The following TTN variants were observed in gnomAD, a reference collection of about 807,000 sequenced individuals.
TTN encodes titin.
TTN carries 1,525 observed loss-of-function variants against 3,223.0 expected under a neutral mutation model. The observed-to-expected ratio is 0.47, with a 90% confidence interval of 0.45 to 0.49. The LOEUF is 0.49. Ranked by LOEUF, TTN falls within the 20% of genes least tolerant of loss-of-function variation. The pLI is 0.00. For synonymous variants in TTN, 14,094 were observed against 15,161.0 expected (o/e 0.93, Z 5.17); for missense variants, 40,786 against 43,424.0 (o/e 0.94, Z 5.40).
At position 178,625,300 on chromosome 2, in the gene TTN, T is replaced by C. The variant is rs2058863893; in HGVS notation, c.44521A>G (p.Lys14841Glu). 3.1e-6 allele frequency: 5 copies of C among 1,608,196 alleles called. No homozygotes were observed. In the South Asian group the frequency reaches 3.3e-5, roughly 11 times the overall value. The change falls in exon 241 of 363, where the codon AAA becomes GAA. Residue 14841 changes from lysine to glutamate, a missense_variant. By Grantham distance (56) the Lys-to-Glu change is moderately conservative (BLOSUM62 1). Coordinates refer to ENST00000589042, the MANE Select transcript of TTN (RefSeq NM_001267550.2). The stretch of plus-strand genomic sequence containing the variant: ...TTCACAAAGAGGTTGGCGTGAGTTT[T>C]GAAATCTTTTGCTGTTAGTTGGACT... ...GEVQLTAKDF[K>E]THANLFVKEP...
rs775987050 is a variant in TTN, at chr2:178,594,458, CAG to C, written c.58034_58035del (p.Thr19345SerfsTer2). ...TNDNLLSRKY[T>X]VKGLKEGDTY... is the part of the protein sequence containing the mutation. ...GTATCACCTTCTTTTAAGCCTTTAA[CAG>C]TGTATTTTCTGCTAAGCAAGTTGTC... is the stretch of plus-strand genomic sequence containing the variant. On this transcript the variant is annotated frameshift_variant, in exon 296 of 363. Transcript: ENST00000589042. LOFTEE classifies it high-confidence loss of function. 6.2e-7 allele frequency: 1 copy of C among 1,613,348 alleles called. No homozygotes were observed. The highest frequency in any genetic ancestry group is 8.5e-7 in the Non-Finnish European group (1 of 1,179,554).
intron 238 of TTN, 138 bp from the exon 239 acceptor site, chr2:178,630,505 A>C: frequency 1.7e-6 from 2 of 1,192,096 alleles, no homozygotes; most frequent in African/African-American, 1.6e-5. Flanking sequence ...CTCTTTTTTT[A>C]GGAAGTAAAG....
chr2:178,687,479 T>C (rs1169417268), intron 127 of TTN, among the ~76,000 whole-genome samples: 1 of 152,018 alleles, frequency 6.6e-6, no homozygotes, highest in Non-Finnish European at 1.5e-5. Flanking sequence ...ACAATGGTTT[T>C]CTCCATATGT....
In TTN at chr2:178,713,970, G is replaced by C. The variant is rs1198151007; in HGVS notation, c.26688C>G (p.Asp8896Glu). The change falls in exon 92 of 363, where the codon GAC becomes GAG. Residue 8896 changes from aspartate (D) to glutamate (E), a missense_variant. Transcript: ENST00000589042. Reference sequence around the variant, plus strand: ...GCACCTCAAAACTGTATACCCCACTGTCACTCGGTGCTACATTGATGATCT... The same window carrying C: ...GCACCTCAAAACTGTATACCCCACTCTCACTCGGTGCTACATTGATGATCT... ...GLKIINVAPS[D>E]SGVYSFEVQN... The C allele has an allele frequency of 6.2e-7, 1 of 1,613,632 alleles. No individual in the cohort carries two copies.
At position 178,801,606 on chromosome 2, in the gene TTN, A is replaced by G. The variant is rs181384275; in HGVS notation, c.295+532T>C. Among the ~76,000 whole-genome samples, 4 of 152,282 alleles carry G rather than the reference A, an allele frequency of 2.6e-5. No individual in the cohort carries two copies. The East Asian group carries it at 7.7e-4, about 29-fold the overall frequency. On this transcript the variant is annotated intron_variant, in intron 3 of 362. Transcript: ENST00000589042. ...CTCACTAGGTAGTAAAGGATAGAGAAAAACAACAGAGGCCACTAAGATTGG... is the reference window on the plus strand; with the variant it reads ...CTCACTAGGTAGTAAAGGATAGAGAGAAACAACAGAGGCCACTAAGATTGG...
Position 178,618,801 on chromosome 2 carries a change from C to T in TTN, c.46749G>A (p.Lys15583=), listed in dbSNP as rs1460478978. The T allele has an allele frequency of 1.9e-5, 31 of 1,610,988 alleles. No individual in the cohort carries two copies. Among genetic ancestry groups the T allele is most frequent in the Non-Finnish European group, 2.5e-5 (30 of 1,178,678 alleles). ...CATATGGCACCACCATTGTCAGAGG[C>T]TTGCCAACATCAACCACAAGGTCTT... ...ADQDLVVDVG[K]PLTMVVPYDA... The change falls in exon 251 of 363, where the codon AAG becomes AAA. Residue 15583 remains lysine, a synonymous_variant. Transcript: ENST00000589042.
intron 106 of TTN, among the ~76,000 whole-genome samples, chr2:178,702,922 A>T (rs1049582822): frequency 1.3e-4 from 20 of 152,254 alleles, no homozygotes; most frequent in Non-Finnish European, 2.1e-4. Context: ...AAATATTTAT[A>T]TAAAGAACAT....
Position 178,774,417 on chromosome 2 carries a change from A to C in TTN, c.6847T>G (p.Ser2283Ala). 6.2e-7 allele frequency: 1 copy of C among 1,613,888 alleles called. No individual in the cohort carries two copies. The highest frequency in any genetic ancestry group is 8.5e-7 in the Non-Finnish European group (1 of 1,179,946). ...GATACAATGCACTCTAATTCTCCTGAATATGATTCTGGAACTTCTATGTCC... is the reference window on the plus strand; with the variant it reads ...GATACAATGCACTCTAATTCTCCTGCATATGATTCTGGAACTTCTATGTCC... Reference protein sequence around the residue: ...LQDIEVPESYSGELECIVSPE... With the variant: ...LQDIEVPESYAGELECIVSPE... Residue 2283 changes from serine to alanine, a missense_variant, in exon 30 of 363, where the codon TCA (serine) becomes GCA (alanine). Ser to Ala is a moderately conservative substitution (Grantham distance 99, BLOSUM62 1). Transcript: ENST00000589042.
At chr2:178,752,409 T>C (rs1047708204) in intron 47 of TTN, among the ~76,000 whole-genome samples, 3 of 152,090 alleles carry the variant, frequency 2.0e-5, no homozygotes, top group Non-Finnish European at 4.4e-5. Flanking sequence ...AAACGCCCTT[T>C]CTGATTCTTT....
At position 178,715,593 on chromosome 2, in the gene TTN, C is replaced by T; in HGVS notation, c.25821G>A (p.Leu8607=). The T allele has an allele frequency of 6.2e-7, 1 of 1,613,640 alleles. No homozygotes were observed. The highest frequency in any genetic ancestry group is 1.1e-5 in the South Asian group (1 of 91,062). The stretch of plus-strand genomic sequence containing the variant: ...CTTCAACACTGAGATTGTGCATTTC[C>T]AGCACAGCCACCGAGTCAACGAATG... The part of the protein sequence containing the change: ...RMSFVDSVAV[L]EMHNLSVEDS... The change falls in exon 89 of 363, where the codon CTG becomes CTA. Residue 8607 remains leucine (L), a synonymous_variant. Coordinates refer to ENST00000589042, the MANE Select transcript of TTN (RefSeq NM_001267550.2).
rs187620549 is a variant in TTN at position 178,648,295 on chromosome 2, A to G, written c.40058-831T>C. Among the ~76,000 whole-genome samples, 35 of 152,132 alleles carry G rather than the reference A, an allele frequency of 2.3e-4. No individual in the cohort carries two copies. The East Asian group carries it at 6.6e-3, about 29-fold the overall frequency. On this transcript the variant is annotated intron_variant, in intron 213 of 362. Coordinates refer to ENST00000589042, the MANE Select transcript of TTN (RefSeq NM_001267550.2). ...ACATTCCACAGCCAATCCATACTCA[A>G]ATTGAGTTTACTTGACATAAGTTTA... is the stretch of plus-strand genomic sequence containing the variant.
rs752117968 is a variant in TTN, at chr2:178,554,593, G to A, written c.88754C>T (p.Ser29585Phe). Residue 29585 changes from serine to phenylalanine, a missense_variant, in exon 332 of 363, where the codon TCT becomes TTT. Transcript: ENST00000589042. ...AATGATGCACTCTTCCAAATGTTCA[G>A]ACACCATAGACCACACAACGCGGCT... ...ETSRVVWSMVSEHLEECIITT... is the reference protein window; with the variant it reads ...ETSRVVWSMVFEHLEECIITT... 6.2e-7 allele frequency: 1 copy of A among 1,613,824 alleles called. No individual in the cohort carries two copies. Among genetic ancestry groups the A allele is most frequent in the East Asian group, 2.2e-5 (1 of 44,848 alleles).
In TTN at chr2:178,727,678, A is replaced by G. The variant is rs1211263186; in HGVS notation, c.19900T>C (p.Tyr6634His). ...CCAGTCTTAGAAGCATCCACTGAGTAGAGATTTAAGAAGCTAGTCGACCCT... is the reference window on the plus strand; with the variant it reads ...CCAGTCTTAGAAGCATCCACTGAGTGGAGATTTAAGAAGCTAGTCGACCCT... ...LEGSTSFLNL[Y>H]SVDASKTGQY... is the part of the protein sequence containing the mutation. The change falls in exon 68 of 363, where the codon TAC becomes CAC. Residue 6634 changes from tyrosine to histidine, a missense_variant. Coordinates refer to ENST00000589042, the MANE Select transcript of TTN (RefSeq NM_001267550.2). The G allele has an allele frequency of 1.9e-6, 3 of 1,613,226 alleles. No homozygotes were observed. The South Asian group carries it at 3.3e-5, about 18-fold the overall frequency.
Position 178,526,324 on chromosome 2 carries a change from G to T in TTN, c.*688C>A, listed in dbSNP as rs1686402283. On this transcript the variant is annotated 3_prime_UTR_variant, in exon 363 of 363. Coordinates refer to ENST00000589042, the MANE Select transcript of TTN (RefSeq NM_001267550.2). ...AATAGCTTGGTTAAATGAAGGGATG[G>T]CCAGGAGATGTTACTTTTCCAAGCT... The T allele has an allele frequency of 6.6e-6, 1 of 152,584 alleles. No individual in the cohort carries two copies. Among genetic ancestry groups the T allele is most frequent in the Admixed American group, 6.5e-5 (1 of 15,276 alleles). The allele number at this position is 152,584 out of a possible 1,614,324, so 9.5% of individuals were successfully genotyped here.
Position 178,566,085 on chromosome 2 carries a change from T to G in TTN, c.80047A>C (p.Thr26683Pro). The G allele has an allele frequency of 6.2e-7, 1 of 1,613,606 alleles. No homozygotes were observed. Among genetic ancestry groups the G allele is most frequent in the Admixed American group, 1.7e-5 (1 of 59,980 alleles). The change falls in exon 326 of 363, where the codon ACT (threonine) becomes CCT (proline). Residue 26683 changes from threonine to proline, a missense_variant. Transcript: ENST00000589042. ...GCCAAATTCTGTGGTGGTCCTGGAG[T>G]GTCAAGAACTTTCACAGTTACAAAA... ...SAFVTVKVLD[T>P]PGPPQNLAVK...
Position 178,531,749 on chromosome 2 carries a change from C to T in TTN, c.104866G>A (p.Gly34956Ser). 1 of 1,613,922 alleles carries T rather than the reference C, an allele frequency of 6.2e-7. No homozygotes were observed. The highest frequency in any genetic ancestry group is 1.1e-5 in the South Asian group (1 of 91,078). The change falls in exon 358 of 363, where the codon GGC becomes AGC. Residue 34956 changes from glycine to serine, a missense_variant. By Grantham distance (56) the Gly-to-Ser change is moderately conservative. Coordinates refer to ENST00000589042, the MANE Select transcript of TTN (RefSeq NM_001267550.2). The part of the protein sequence containing the change: ...LRMRSHRVPC[G>S]QNTRFILNVQ... Reference sequence around the variant, plus strand: ...TTTAAAATAAAACGTGTATTTTGGCCACATGGTACCCTGTGCGAGCGCATT... The same window carrying T: ...TTTAAAATAAAACGTGTATTTTGGCTACATGGTACCCTGTGCGAGCGCATT...
Position 178,554,489 on chromosome 2 carries a change from G to A in TTN, c.88858C>T (p.Leu29620=), listed in dbSNP as rs115070904. 1,587 of 1,612,892 alleles carry A rather than the reference G, an allele frequency of 9.8e-4. 17 individuals carry two copies. In the African/African-American group the frequency reaches 0.019, roughly 19 times the overall value. The change falls in exon 332 of 363, where the codon CTG becomes TTG. Residue 29620 remains leucine, a synonymous_variant. Transcript: ENST00000589042. ...TTGGCTACAACGGAATCAGATTCCA[G>A]TGGCTCGCCAATTCCATATTTGTTC... ...AVNKYGIGEP[L]ESDSVVAKNA... is the part of the protein sequence containing the mutation.
At position 178,577,338 on chromosome 2, in the gene TTN, G is replaced by T. The variant is rs369068922; in HGVS notation, c.68997C>A (p.Thr22999=). Residue 22999 remains threonine, a synonymous_variant, in exon 324 of 363, where the codon ACC becomes ACA. Transcript: ENST00000589042. ...RPSDITQITS[T]PTSSMLTIKY... ...TGATAGTAAGCATGGAAGATGTTGG[G>T]GTTGAAGTTATCTGAGTGATATCTG... is the stretch of plus-strand genomic sequence containing the variant. 1.9e-5 allele frequency: 30 copies of T among 1,612,580 alleles called. No individual in the cohort carries two copies. The highest frequency in any genetic ancestry group is 3.3e-5 in the Admixed American group (2 of 59,838).
At position 178,702,350 on chromosome 2, in the gene TTN, A is replaced by G. The variant is rs112107788; in HGVS notation, c.30433+104T>C. On this transcript the variant is annotated intron_variant, in intron 107 of 362. Coordinates refer to ENST00000589042, the MANE Select transcript of TTN (RefSeq NM_001267550.2). Reference sequence around the variant, plus strand: ...TATTTACACTTGTCTTTTCTAAAAAAGCATTCTAGATAGAATGAGAGCATG... The same window carrying G: ...TATTTACACTTGTCTTTTCTAAAAAGGCATTCTAGATAGAATGAGAGCATG... 7 of 1,601,730 alleles carry G rather than the reference A, an allele frequency of 4.4e-6. No homozygotes were observed. The African/African-American group carries it at 5.4e-5, about 12-fold the overall frequency.
Sources: gnomAD v4.1 joint callset for allele counts (sites outside exome capture counted in the v4.1 genomes callset) on GRCh38, gnomAD v4.1.1 for gene constraint, MANE v1.5 for transcripts, NCBI Gene and HGNC (gene_info 2026-07-23, HGNC 2026-07-21) for gene names.